Variants in KCNA6 observed in about 807,000 individuals in gnomAD.
KCNA6 encodes human brain potassium channel-2.
In KCNA6, 17 loss-of-function variants were observed where a neutral mutation model predicts 29.5. The ratio of observed to expected loss-of-function variants is 0.58; its 90% CI spans 0.39 to 0.86. The LOEUF (loss-of-function observed/expected upper bound fraction) is 0.86. Ranked by LOEUF, KCNA6 falls within the 40% of genes least tolerant of loss-of-function variation. The pLI is 0.00. For synonymous variants in KCNA6, 296 were observed against 304.7 expected (o/e 0.97, Z 0.30); for missense variants, 450 against 703.4 (o/e 0.64, Z 4.07).
At position 4,810,068 on chromosome 12, in the gene KCNA6, G is replaced by A; in HGVS notation, c.27G>A (p.Leu9=). 1 of 1,546,544 alleles carries A rather than the reference G, an allele frequency of 6.5e-7. No individual in the cohort carries two copies. Among genetic ancestry groups the A allele is most frequent in the Non-Finnish European group, 8.7e-7 (1 of 1,149,732 alleles). Residue 9 remains leucine (L), a synonymous_variant, in exon 1 of 1, where the codon CTG becomes CTA. Coordinates refer to ENST00000280684, the Ensembl canonical transcript of KCNA6. The surrounding 1 kb of genome is among the most constrained non-coding windows in gnomAD (Gnocchi z 7.5). ...TGAGATCGGAGAAATCCCTTACGCT[G>A]GCGGCGCCGGGGGAGGTCCGTGGGC...
the KCNA6 span, among the ~76,000 whole-genome samples, chr12:4,833,679 C>T: frequency 6.6e-6 from 1 of 152,176 alleles, no homozygotes; most frequent in Non-Finnish European, 1.5e-5. Context: ...ATGGCAGCAG[C>T]AGTTCCAAGC....
the KCNA6 span, among the ~76,000 whole-genome samples, chr12:4,840,533 C>T: frequency 6.6e-6 from 1 of 152,236 alleles, no homozygotes; most frequent in Non-Finnish European, 1.5e-5. Flanking sequence ...AATGAATGCA[C>T]AGGGCTCTGT....
downstream of KCNA6, among the ~76,000 whole-genome samples, chr12:4,816,251 T>A (rs1946680668): frequency 1.9e-4 from 1 of 5,360 alleles, no homozygotes; most frequent in Admixed American, 2.4e-3. Flanking sequence ...CACGAACTGG[T>A]GTGTGTGTGT....
chr12:4,828,682 G>A, the KCNA6 span, among the ~76,000 whole-genome samples: 1 of 152,140 alleles, frequency 6.6e-6, no homozygotes, highest in African/African-American at 2.4e-5. Context: ...CAGTTGCCCC[G>A]TTATTATCTC....
At chr12:4,843,941 A>T in the KCNA6 span, among the ~76,000 whole-genome samples, 1 of 152,138 alleles carries the variant, frequency 6.6e-6, no homozygotes, top group African/African-American at 2.4e-5. Flanking sequence ...GTGGAGACAG[A>T]TCCAAAACCA....
At chr12:4,843,907 G>A in the KCNA6 span, among the ~76,000 whole-genome samples, 1 of 152,080 alleles carries the variant, frequency 6.6e-6, no homozygotes. Flanking sequence ...TAATATTGGA[G>A]ATTACATTTG....
At chr12:4,815,548 T>C (rs1470735816), downstream of KCNA6, among the ~76,000 whole-genome samples, 1 of 151,786 alleles carries the variant, frequency 6.6e-6, no homozygotes, top group Non-Finnish European at 1.5e-5. Context: ...GGCAGAGAGG[T>C]CAAAGACAGA....
rs556643103 is a variant in KCNA6 at position 4,809,971 on chromosome 12, G to A, written c.-71G>A. The A allele has an allele frequency of 4.0e-5, 59 of 1,471,930 alleles. No individual in the cohort carries two copies. The African/African-American group carries it at 7.0e-4, about 17-fold the overall frequency. The allele number at this position is 1,471,930 out of a possible 1,614,324, so 91.2% of individuals were successfully genotyped here. On this transcript the variant is annotated 5_prime_UTR_variant, in exon 1 of 1. Coordinates refer to ENST00000280684, the Ensembl canonical transcript of KCNA6. ...AGAGGGCGCAGCCGGGAGCTGGGGA[G>A]CGGGTGCCGCGCTCCAGAGATTGTG...
chr12:4,848,514 C>A, the KCNA6 span, among the ~76,000 whole-genome samples: 61 of 144,960 alleles, frequency 4.2e-4, no homozygotes, highest in South Asian at 6.9e-3. Context: ...CAGGAGGGAG[C>A]AAAAAAAAAA....
downstream of KCNA6, among the ~76,000 whole-genome samples, chr12:4,816,240 C>A (rs1184941962): frequency 7.0e-6 from 1 of 143,668 alleles, no homozygotes; most frequent in Non-Finnish European, 1.5e-5. Context: ...ATGCACAATA[C>A]CACGAACTGG....
At chr12:4,845,967 A>T in the KCNA6 span, among the ~76,000 whole-genome samples, 4 of 133,172 alleles carry the variant, frequency 3.0e-5, no homozygotes, top group Admixed American at 2.3e-4. Flanking sequence ...TGGACCAGAC[A>T]TGTTTCGAAT....
At chr12:4,847,610 G>C in the KCNA6 span, among the ~76,000 whole-genome samples, 1 of 151,952 alleles carries the variant, frequency 6.6e-6, no homozygotes, top group African/African-American at 2.4e-5. Flanking sequence ...TTCTTTCATG[G>C]ATAAAATAGT....
At chr12:4,816,429 T>C (rs1946683396), downstream of KCNA6, among the ~76,000 whole-genome samples, 1 of 152,170 alleles carries the variant, frequency 6.6e-6, no homozygotes, top group African/African-American at 2.4e-5. Context: ...TGCACTGAAC[T>C]ATGATATATA....
At chr12:4,821,832 G>C in the KCNA6 span, among the ~76,000 whole-genome samples, 2 of 152,060 alleles carry the variant, frequency 1.3e-5, no homozygotes, top group Non-Finnish European at 2.9e-5. Context: ...AGGCTGGGCC[G>C]TCTGTCATTT....
chr12:4,811,400 T>C lies in KCNA6; in HGVS notation c.1359T>C (p.Pro453=). The change falls in exon 1 of 1, where the codon CCT becomes CCC. Residue 453 remains proline, a synonymous_variant. Coordinates refer to ENST00000280684, the Ensembl canonical transcript of KCNA6. This position sits in a 1 kb window ranked among gnomAD's most constrained non-coding sequence, Gnocchi z 7.1. ...CTGGGGTCCTCACCATTGCCCTGCCTGTGCCCGTCATCGTCTCCAACTTCA... is the reference window on the plus strand; with the variant it reads ...CTGGGGTCCTCACCATTGCCCTGCCCGTGCCCGTCATCGTCTCCAACTTCA... The C allele has an allele frequency of 6.2e-7, 1 of 1,614,172 alleles. No individual in the cohort carries two copies. The highest frequency in any genetic ancestry group is 2.2e-5 in the East Asian group (1 of 44,878).
the KCNA6 span, chr12:4,838,983 A>G: frequency 6.6e-6 from 1 of 152,236 alleles, no homozygotes; most frequent in East Asian, 1.9e-4. Context: ...AAACACAAAC[A>G]TTGGTCCATA....
At chr12:4,823,417 T>C in the KCNA6 span, among the ~76,000 whole-genome samples, 755 of 9,292 alleles carry the variant, frequency 0.081, 4 homozygotes, top group African/African-American at 0.32. Context: ...GAAAAAAAGC[T>C]TTTTTTTTTT....
downstream of KCNA6, among the ~76,000 whole-genome samples, chr12:4,818,210 G>A (rs952031397): frequency 7.2e-5 from 11 of 152,214 alleles, no homozygotes; most frequent in Non-Finnish European, 1.3e-4. Flanking sequence ...CTGACCTTGC[G>A]TTGCATCCTT....
At chr12:4,825,145 C>T in the KCNA6 span, among the ~76,000 whole-genome samples, 3 of 152,190 alleles carry the variant, frequency 2.0e-5, no homozygotes, top group Non-Finnish European at 4.4e-5. Context: ...GCACTTTAAA[C>T]TTCCTTCCTC....
Sources: allele counts gnomAD v4.1 joint callset (sites outside exome capture counted in the v4.1 genomes callset), GRCh38; gene constraint gnomAD v4.1.1; non-coding constraint Gnocchi (gnomAD v3.1); transcripts MANE v1.5; gene names NCBI Gene and HGNC (gene_info 2026-07-23, HGNC 2026-07-21).